Variants in CSMD3 observed in about 807,000 individuals in gnomAD.
CSMD3 encodes CUB and Sushi multiple domains 3.
A neutral mutation model predicts 435.2 loss-of-function variants in CSMD3; 177 were observed. The ratio of observed to expected loss-of-function variants is 0.41; its 90% CI spans 0.36 to 0.46. The LOEUF (loss-of-function observed/expected upper bound fraction) is 0.46, where lower values mean the gene tolerates loss of function less well. CSMD3 is among the 20% of genes least tolerant of loss of function. The probability of loss-of-function intolerance (pLI) is 0.34; values close to 1 mark genes in which losing one functional copy is unlikely to be tolerated. For synonymous variants in CSMD3, 1,656 were observed against 1,520.5 expected (o/e 1.09, Z -2.07); for missense variants, 4,265 against 4,504.6 (o/e 0.95, Z 1.52).
intron 32 of CSMD3, among the ~76,000 whole-genome samples, chr8:112,436,949 GTGGGAAATCCTCATCAT>G (rs1198085509): frequency 2.6e-5 from 4 of 152,058 alleles, no homozygotes; most frequent in Non-Finnish European, 5.9e-5. Context: ...TGGATGCTCA[GTGGGAAATCCTCATCAT>G]TTTGTATTTA....
chr8:112,451,123 C>A (rs188121810), intron 32 of CSMD3, among the ~76,000 whole-genome samples: 1 of 152,008 alleles, frequency 6.6e-6, no homozygotes, highest in Non-Finnish European at 1.5e-5. Flanking sequence ...ACTTAAAATA[C>A]AGGTAGCTAC....
At chr8:113,194,653 A>G (rs1316787293) in intron 3 of CSMD3, among the ~76,000 whole-genome samples, 1 of 151,170 alleles carries the variant, frequency 6.6e-6, no homozygotes, top group Non-Finnish European at 1.5e-5. Flanking sequence ...TAGGCGAAGG[A>G]GATGAAAACT....
At position 112,861,800 on chromosome 8, in the gene CSMD3, T is replaced by C. The variant is rs143961325; in HGVS notation, c.1634-2534A>G. Among the ~76,000 whole-genome samples the C allele has an allele frequency of 2.3e-3, 353 of 152,052 alleles. 1 individual carries two copies. The highest frequency in any genetic ancestry group is 8.1e-3 in the African/African-American group (337 of 41,568). The stretch of plus-strand genomic sequence containing the variant: ...GCAATTGGTTTGTAGTGGCTATAGC[T>C]TTCTGATTGAATATACTCCTTCTCT... On this transcript the variant is annotated intron_variant, in intron 10 of 70. Transcript: ENST00000297405.
At chr8:112,248,103 C>T (rs10505183) in intron 63 of CSMD3, among the ~76,000 whole-genome samples, 27,044 of 151,910 alleles carry the variant, frequency 0.18, 2,908 homozygotes, top group Middle Eastern at 0.33. Flanking sequence ...TCTCACTTTA[C>T]TTGAATAAGT....
intron 24 of CSMD3, among the ~76,000 whole-genome samples, chr8:112,565,144 T>C (rs1053214120): frequency 2.6e-5 from 4 of 152,104 alleles, no homozygotes; most frequent in Non-Finnish European, 1.5e-5. Context: ...TAGAATACTT[T>C]GGACTATATC....
At chr8:112,875,060 T>G (rs2081242426) in intron 10 of CSMD3, among the ~76,000 whole-genome samples, 1 of 152,174 alleles carries the variant, frequency 6.6e-6, no homozygotes, top group Non-Finnish European at 1.5e-5. Context: ...TGGTACTGGT[T>G]TTTCCTTTCC....
chr8:112,392,918 T>A (rs867172355), intron 35 of CSMD3, among the ~76,000 whole-genome samples: 1 of 146,428 alleles, frequency 6.8e-6, no homozygotes, highest in Non-Finnish European at 1.5e-5. Flanking sequence ...TAGGCTGGAG[T>A]GCAGTGGTGT....
rs2078041990 is a variant in CSMD3 at position 112,768,787 on chromosome 8, T to G, written c.1972+31375A>C. ...CAATTCTTTTACAGGGTTGTCTGTG[T>G]TTATTATGGGTAACTCCTCTTTCAC... On this transcript the variant is annotated intron_variant, in intron 13 of 70. Coordinates refer to ENST00000297405, the MANE Select transcript of CSMD3 (RefSeq NM_198123.2). Among the ~76,000 whole-genome samples, 3 of 152,044 alleles carry G rather than the reference T, an allele frequency of 2.0e-5. No homozygotes were observed. In the South Asian group the frequency reaches 6.2e-4, roughly 32 times the overall value.
intron 31 of CSMD3, among the ~76,000 whole-genome samples, chr8:112,484,948 T>C (rs1268749177): frequency 6.6e-6 from 1 of 152,180 alleles, no homozygotes; most frequent in Non-Finnish European, 1.5e-5. Flanking sequence ...TCAACCTGTA[T>C]ACTCTGAATT....
At chr8:112,809,027 A>T (rs1176385252) in intron 12 of CSMD3, among the ~76,000 whole-genome samples, 3 of 143,598 alleles carry the variant, frequency 2.1e-5, no homozygotes. Context: ...TACTGTTAGC[A>T]TTGTCAAAAA....
At chr8:113,376,899 C>CA in intron 1 of CSMD3, 1 of 1,593,082 alleles carries the variant, frequency 6.3e-7, no homozygotes, top group Non-Finnish European at 8.6e-7. Flanking sequence ...GCCGGGAAAA[C>CA]AAAACAGCCG....
intron 3 of CSMD3, among the ~76,000 whole-genome samples, chr8:113,213,588 T>C (rs1322202656): frequency 6.6e-6 from 1 of 151,996 alleles, no homozygotes; most frequent in Non-Finnish European, 1.5e-5. Context: ...GATCAGAGAA[T>C]AAACTCTTCA....
intron 9 of CSMD3, among the ~76,000 whole-genome samples, chr8:112,928,011 G>A (rs1279739978): frequency 6.6e-6 from 1 of 152,056 alleles, no homozygotes; most frequent in Admixed American, 6.6e-5. Flanking sequence ...AAGTATACTA[G>A]AAAGATAATA....
intron 13 of CSMD3, among the ~76,000 whole-genome samples, chr8:112,729,994 T>C (rs2077042446): frequency 6.6e-6 from 1 of 152,140 alleles, no homozygotes. Context: ...TATTGAAGTA[T>C]TAAATTAGCA....
At chr8:113,173,516 T>C (rs927093578) in intron 4 of CSMD3, among the ~76,000 whole-genome samples, 1 of 152,004 alleles carries the variant, frequency 6.6e-6, no homozygotes, top group African/African-American at 2.4e-5. Context: ...AAGATGGGGC[T>C]TCACTATATT....
intron 5 of CSMD3, among the ~76,000 whole-genome samples, chr8:113,022,620 A>G (rs1052490857): frequency 2.8e-4 from 43 of 151,814 alleles, no homozygotes; most frequent in African/African-American, 1.0e-3. Flanking sequence ...AAAAATCTCC[A>G]TACTCAGGAT....
intron 11 of CSMD3, among the ~76,000 whole-genome samples, chr8:112,856,485 T>C (rs231305): frequency 0.2 from 30,613 of 151,724 alleles, 3,884 homozygotes; most frequent in Non-Finnish European, 0.29. Flanking sequence ...TCTGAGGAGA[T>C]GGCAGCATTT....
intron 10 of CSMD3, among the ~76,000 whole-genome samples, chr8:112,876,910 T>C (rs1423013296): frequency 1.3e-5 from 2 of 152,038 alleles, no homozygotes; most frequent in Non-Finnish European, 2.9e-5. Flanking sequence ...TTCAGAAAAA[T>C]CTCAGGATAC....
chr8:113,137,545 C>T (rs2091447213), intron 4 of CSMD3, among the ~76,000 whole-genome samples: 1 of 151,526 alleles, frequency 6.6e-6, no homozygotes, highest in South Asian at 2.1e-4. Flanking sequence ...CTCAGAAATC[C>T]AGTATCTGGG....
Sources: allele counts gnomAD v4.1 joint callset (sites outside exome capture counted in the v4.1 genomes callset), GRCh38; gene constraint gnomAD v4.1.1; transcripts MANE v1.5; gene names NCBI Gene and HGNC (gene_info 2026-07-23, HGNC 2026-07-21).